The following PXT1 variants were observed in gnomAD, a reference collection of about 807,000 sequenced individuals.
The protein encoded by PXT1 is peroxisomal testis enriched protein 1, also known as peroxisomal testis-specific protein 1.
In PXT1, 11 loss-of-function variants were observed where a neutral mutation model predicts 11.0. The ratio of observed to expected loss-of-function variants is 1.00; its 90% CI spans 0.63 to 1.66. The LOEUF (loss-of-function observed/expected upper bound fraction) is 1.66. PXT1 is among the 40% of genes most tolerant of loss of function. PXT1 has a pLI of 0.00. For synonymous variants in PXT1, 43 were observed against 51.4 expected, an observed-to-expected ratio of 0.84 and a Z score of 0.70; for missense variants, 141 against 155.5, an observed-to-expected ratio of 0.91 and a Z score of 0.49.
At chr6:36,401,541 C>T (rs1202948086) in intron 3 of PXT1, among the ~76,000 whole-genome samples, 4 of 150,372 alleles carry the variant, frequency 2.7e-5, no homozygotes, top group Admixed American at 6.7e-5. Context: ...TGCTTGAGCC[C>T]GGGAGGGGAG....
chr6:36,406,673 T>C (rs1377478744), intron 3 of PXT1, among the ~76,000 whole-genome samples: 1 of 151,952 alleles, frequency 6.6e-6, no homozygotes, highest in Non-Finnish European at 1.5e-5. Context: ...CAGCTGGGTG[T>C]GGCGGTGCAT....
chr6:36,430,802 T>C (rs1774680892), intron 2 of PXT1, among the ~76,000 whole-genome samples: 1 of 152,206 alleles, frequency 6.6e-6, no homozygotes. Context: ...TTAATTTTTT[T>C]TTAATTTTTT....
At chr6:36,430,314 C>T (rs1774675262) in intron 2 of PXT1, among the ~76,000 whole-genome samples, 1 of 152,134 alleles carries the variant, frequency 6.6e-6, no homozygotes, top group Non-Finnish European at 1.5e-5. Context: ...ATAACAGCTT[C>T]ACAAAATGTC....
intron 3 of PXT1, among the ~76,000 whole-genome samples, chr6:36,425,047 A>G (rs560762824): frequency 1.4e-4 from 22 of 152,328 alleles, no homozygotes; most frequent in Non-Finnish European, 2.5e-4. Context: ...CCTCTCAGGT[A>G]TCTAGCATAT....
chr6:36,435,699 A>G (rs1332946783), intron 2 of PXT1, among the ~76,000 whole-genome samples: 1 of 152,232 alleles, frequency 6.6e-6, no homozygotes, highest in Non-Finnish European at 1.5e-5. Flanking sequence ...CTTGGAATTC[A>G]TCAATGATAA....
chr6:36,442,278 C>A (rs1774884373), intron 1 of PXT1, among the ~76,000 whole-genome samples: 1 of 152,140 alleles, frequency 6.6e-6, no homozygotes, highest in African/African-American at 2.4e-5. Flanking sequence ...ATCTGCCCGC[C>A]TCGGCCTCCC....
At chr6:36,426,198 T>C (rs1774603785) in intron 2 of PXT1, 107 bp from the exon 3 acceptor site, 1 of 707,092 alleles carries the variant, frequency 1.4e-6, no homozygotes, top group Admixed American at 3.3e-5. Flanking sequence ...TTATTCCACA[T>C]ATAAGAGAGT....
chr6:36,437,720 G>C (rs1774787186), intron 2 of PXT1, among the ~76,000 whole-genome samples: 1 of 150,124 alleles, frequency 6.7e-6, no homozygotes, highest in African/African-American at 2.5e-5. Context: ...GTTTCACCGT[G>C]TTAGCCAGGA....
intron 3 of PXT1, among the ~76,000 whole-genome samples, chr6:36,423,803 C>T (rs1774561371): frequency 6.6e-6 from 1 of 152,160 alleles, no homozygotes; most frequent in South Asian, 2.1e-4. Context: ...TTGGAAGATC[C>T]CTGGTTTCTA....
intron 2 of PXT1, among the ~76,000 whole-genome samples, chr6:36,433,837 A>AAAAGG (rs1774728127): frequency 7.5e-6 from 1 of 132,852 alleles, no homozygotes; most frequent in Non-Finnish European, 1.6e-5. Context: ...AAAAAAAAAA[A>AAAAGG]AAAGAAAAGA....
chr6:36,424,027 G>T (rs995263085), intron 3 of PXT1, among the ~76,000 whole-genome samples: 1 of 152,238 alleles, frequency 6.6e-6, no homozygotes, highest in Non-Finnish European at 1.5e-5. Context: ...AATTAGGAAA[G>T]CATTTGAGGC....
intron 1 of PXT1, among the ~76,000 whole-genome samples, chr6:36,441,265 A>C (rs910998786): frequency 7.9e-5 from 12 of 152,334 alleles, no homozygotes; most frequent in African/African-American, 2.9e-4. Context: ...CTTTATAAAA[A>C]TGGAAATAAA....
At chr6:36,401,957 CATAT>C (rs3045959) in intron 3 of PXT1, among the ~76,000 whole-genome samples, 1 of 144,910 alleles carries the variant, frequency 6.9e-6, no homozygotes, top group Non-Finnish European at 1.5e-5. Context: ...TGTATACATG[CATAT>C]ATATATATAT....
intron 1 of PXT1, among the ~76,000 whole-genome samples, chr6:36,439,383 G>A (rs1428091002): frequency 2.0e-5 from 3 of 151,486 alleles, no homozygotes; most frequent in East Asian, 2.0e-4. Context: ...AGGCGGAGGC[G>A]GGTGGATCAT....
At chr6:36,441,807 AT>A in intron 1 of PXT1, among the ~76,000 whole-genome samples, 1 of 152,208 alleles carries the variant, frequency 6.6e-6, no homozygotes, top group Non-Finnish European at 1.5e-5. Context: ...TGAAAATTAA[AT>A]TTTTTGACCC....
chr6:36,422,213 G>T (rs1245575949), intron 3 of PXT1, among the ~76,000 whole-genome samples: 10 of 152,138 alleles, frequency 6.6e-5, no homozygotes, highest in African/African-American at 2.4e-4. Flanking sequence ...CTAAGAACTT[G>T]GAATTAAGAG....
At chr6:36,432,583 G>A (rs1273803795) in intron 2 of PXT1, among the ~76,000 whole-genome samples, 1 of 152,140 alleles carries the variant, frequency 6.6e-6, no homozygotes, top group African/African-American at 2.4e-5. Context: ...AGGAGCCCTG[G>A]AAAGACTCAG....
At chr6:36,419,619 C>CT (rs1320346752) in intron 3 of PXT1, among the ~76,000 whole-genome samples, 14 of 152,190 alleles carry the variant, frequency 9.2e-5, no homozygotes, top group African/African-American at 1.4e-4. Flanking sequence ...TTTCATAACT[C>CT]TAAGACCTAG....
chr6:36,417,028 T>C (rs1774458839), intron 3 of PXT1, among the ~76,000 whole-genome samples: 1 of 152,172 alleles, frequency 6.6e-6, no homozygotes, highest in Non-Finnish European at 1.5e-5. Flanking sequence ...TTTAAGTTTA[T>C]GAAGACAACA....
Sources: allele counts gnomAD v4.1 joint callset (sites outside exome capture counted in the v4.1 genomes callset), GRCh38; gene constraint gnomAD v4.1.1; transcripts MANE v1.5; gene names NCBI Gene and HGNC (gene_info 2026-07-23, HGNC 2026-07-21).